SULT1A1: variants seen among roughly 807,000 people sequenced by gnomAD.
SULT1A1 encodes the protein sulfotransferase 1A1.
A neutral mutation model predicts 36.8 loss-of-function variants in SULT1A1; 35 were observed. The observed-to-expected ratio is 0.95, with a 90% CI of 0.73 to 1.26. SULT1A1 has a LOEUF of 1.26. Ranked by LOEUF, SULT1A1 falls within the 50% of genes most tolerant of loss-of-function variation. SULT1A1 has a pLI of 0.00. For missense variants in SULT1A1, 309 were observed against 383.0 expected, an observed-to-expected ratio of 0.81 and a Z score of 1.61; for synonymous variants, 119 against 146.0, an observed-to-expected ratio of 0.82 and a Z score of 1.33.
At chr16:28,606,687 G>A in intron 6 of SULT1A1, 74 bp downstream of exon 6, 4 of 1,580,340 alleles carry the variant, frequency 2.5e-6, no homozygotes, top group African/African-American at 1.3e-5. Context: ...AGGGGGCTGG[G>A]TGGCCTTGGC....
intron 2 of SULT1A1, chr16:28,619,992 A>C: frequency 2.0e-6 from 1 of 508,770 alleles, no homozygotes; most frequent in Non-Finnish European, 2.8e-6. Flanking sequence ...TGTATTGTAT[A>C]TTGTGTGTGT....
exon 1 of SULT1A1, chr16:28,623,304 C>T: frequency 6.5e-7 from 1 of 1,535,194 alleles, no homozygotes. Context: ...CCGCGTCTGG[C>T]GCCAGTCGGC....
chr16:28,606,601 G>A (rs1442773166), intron 6 of SULT1A1, among the ~76,000 whole-genome samples, 160 bp downstream of exon 6: 2 of 133,060 alleles, frequency 1.5e-5, no homozygotes, highest in East Asian at 2.0e-4. Context: ...CCGCTGCCAG[G>A]TGGGGCCTTA....
At chr16:28,609,119 G>C (rs1264796021) in intron 1 of SULT1A1, 1 of 1,426,364 alleles carries the variant, frequency 7.0e-7, no homozygotes, top group Non-Finnish European at 9.2e-7. Context: ...GCAGACCAGT[G>C]AAAGCACCCT....
chr16:28,605,752 T>C lies in SULT1A1; in HGVS notation c.*69A>G, dbSNP rs911539069. Reference sequence around the variant, plus strand: ...TACCGTCCCGGGCCCTCAATTCATATTTTATTCTTGAGCCGCTTGGTCAGG... The same window carrying C: ...TACCGTCCCGGGCCCTCAATTCATACTTTATTCTTGAGCCGCTTGGTCAGG... On this transcript the variant is annotated 3_prime_UTR_variant, in exon 8 of 8. Coordinates refer to ENST00000314752, the MANE Select transcript of SULT1A1 (RefSeq NM_001055.4). The C allele has an allele frequency of 7.5e-6, 12 of 1,606,022 alleles. No homozygotes were observed. Among genetic ancestry groups the C allele is most frequent in the East Asian group, 2.2e-5 (1 of 44,854 alleles).
exon 1 of SULT1A1, chr16:28,623,228 C>A (rs1295195600): frequency 6.5e-7 from 1 of 1,545,156 alleles, no homozygotes; most frequent in South Asian, 1.2e-5. Context: ...GGAGCGCGCG[C>A]TCCAGCAGGC....
At chr16:28,608,080 C>G (rs536046569) in intron 4 of SULT1A1, 4 of 684,140 alleles carry the variant, frequency 5.8e-6, no homozygotes, top group African/African-American at 3.5e-5. Context: ...CTCCTTCTCC[C>G]GGGTTCAAGT....
intron 2 of SULT1A1, chr16:28,620,027 A>G (rs773761488): frequency 6.3e-7 from 1 of 1,584,144 alleles, no homozygotes; most frequent in Non-Finnish European, 8.7e-7. Flanking sequence ...ACACACACAA[A>G]AAGATACTGA....
At chr16:28,617,269 G>A (rs182920365) in intron 2 of SULT1A1, among the ~76,000 whole-genome samples, 1 of 151,872 alleles carries the variant, frequency 6.6e-6, no homozygotes, top group Non-Finnish European at 1.5e-5. Flanking sequence ...ACCCACCTTG[G>A]CCTCCCAAAG....
At position 28,608,735 on chromosome 16, in the gene SULT1A1, G is replaced by A. The variant is rs755921173; in HGVS notation, c.121C>T (p.Leu41=). The A allele has an allele frequency of 3.1e-6, 5 of 1,613,012 alleles. No homozygotes were observed. The highest frequency in any genetic ancestry group is 4.2e-6 in the Non-Finnish European group (5 of 1,179,374). ...LQSFQARPDD[L]LISTYPKSGT... is the part of the protein sequence containing the mutation. The stretch of plus-strand genomic sequence containing the variant: ...GACTTGGGGTAGGTGCTGATGAGCA[G>A]GTCATCAGGCCGGGCCTGGAAGCTC... The change falls in exon 2 of 8, where the codon CTG becomes TTG. Residue 41 remains leucine (L), a synonymous_variant. Coordinates refer to ENST00000314752, the MANE Select transcript of SULT1A1 (RefSeq NM_001055.4).
rs534046347 is a variant in SULT1A1, at chr16:28,609,208, T to G, written c.-4-349A>C. On this transcript the variant is annotated intron_variant, in intron 1 of 7. Transcript: ENST00000314752. ...CTGCACTGAGGAAGCTCTAGGACCT[T>G]CCTGTGCTGTCTCCCTGCCAGCCAG... 414 of 1,305,416 alleles carry G rather than the reference T, an allele frequency of 3.2e-4. 8 individuals carry two copies. The highest frequency in any genetic ancestry group is 4.5e-4 in the Admixed American group (14 of 31,346). The allele number at this position is 1,305,416 out of a possible 1,614,324, so 80.9% of individuals were successfully genotyped here. A position where few individuals can be genotyped will look rare whatever the true frequency, so the allele number is the denominator to read the frequency against.
At chr16:28,621,131 A>G (rs990939066) in intron 1 of SULT1A1, among the ~76,000 whole-genome samples, 3 of 151,662 alleles carry the variant, frequency 2.0e-5, no homozygotes, top group African/African-American at 7.3e-5. Context: ...AAAAGAAAAG[A>G]AAAAGAGAAC....
chr16:28,618,291 G>C (rs1287674676), intron 2 of SULT1A1, among the ~76,000 whole-genome samples: 1 of 143,878 alleles, frequency 7.0e-6, no homozygotes. Context: ...TCTTGCCTCA[G>C]CCTCCCAAAA....
intron 2 of SULT1A1, among the ~76,000 whole-genome samples, chr16:28,618,758 C>T (rs992896654): frequency 6.6e-6 from 1 of 152,140 alleles, no homozygotes; most frequent in Non-Finnish European, 1.5e-5. Flanking sequence ...CTATCAATAC[C>T]TTTGTGATGT....
At chr16:28,606,614 G>T in intron 6 of SULT1A1, 147 bp downstream of exon 6, 2 of 1,319,202 alleles carry the variant, frequency 1.5e-6, no homozygotes, top group Non-Finnish European at 2.1e-6. Flanking sequence ...GGGCCTTAGT[G>T]GGGAGGCCTG....
chr16:28,619,745 T>TAC (rs2047612271), intron 2 of SULT1A1, among the ~76,000 whole-genome samples: 4 of 14,264 alleles, frequency 2.8e-4, no homozygotes, highest in Non-Finnish European at 5.1e-4. Flanking sequence ...AAAAAATATA[T>TAC]ATATACATAT....
chr16:28,618,042 C>CT (rs11357624), intron 2 of SULT1A1, among the ~76,000 whole-genome samples: 77,825 of 139,396 alleles, frequency 0.56, 22,270 homozygotes, highest in Middle Eastern at 0.75. Flanking sequence ...ACTTCCTGCT[C>CT]TTTTTTTTTT....
At chr16:28,610,200 A>G (rs1252251660), upstream of SULT1A1, 22 of 1,284,388 alleles carry the variant, frequency 1.7e-5, 1 homozygote, top group Admixed American at 4.9e-4. Context: ...TGCTGTGTAG[A>G]AAACAGAAGA....
chr16:28,606,337 C>T, intron 6 of SULT1A1, 101 bp from the exon 7 acceptor site: 1 of 1,577,690 alleles, frequency 6.3e-7, no homozygotes, highest in Non-Finnish European at 8.6e-7. Flanking sequence ...GGCCACTTCT[C>T]CTAGAAACCC....
Sources: allele counts gnomAD v4.1 joint callset (sites outside exome capture counted in the v4.1 genomes callset), GRCh38; gene constraint gnomAD v4.1.1; transcripts MANE v1.5; gene names NCBI Gene and HGNC (gene_info 2026-07-23, HGNC 2026-07-21).